MYO16: variants seen among roughly 807,000 people sequenced by gnomAD.
MYO16 encodes the protein myosin XVI.
MYO16 carries 94 observed loss-of-function variants against 205.3 expected under a neutral mutation model. The ratio of observed to expected loss-of-function variants is 0.46; its 90% CI spans 0.39 to 0.54. The LOEUF (loss-of-function observed/expected upper bound fraction) is 0.54. Ranked by LOEUF, MYO16 falls within the 20% of genes least tolerant of loss-of-function variation. The pLI, the probability that MYO16 is intolerant of heterozygous loss-of-function variation, is 0.00. For synonymous variants in MYO16, 988 were observed against 954.0 expected (o/e 1.04, Z -0.66); for missense variants, 2,315 against 2,387.5 (o/e 0.97, Z 0.63).
intron 2 of MYO16, among the ~76,000 whole-genome samples, chr13:108,684,398 G>A (rs886343661): frequency 6.6e-6 from 1 of 152,306 alleles, no homozygotes; most frequent in East Asian, 1.9e-4. Flanking sequence ...GGCAACACCA[G>A]CAAGAGGAAA....
intron 24 of MYO16, among the ~76,000 whole-genome samples, chr13:109,049,358 C>T (rs1195026771): frequency 6.6e-6 from 1 of 152,130 alleles, no homozygotes; most frequent in Non-Finnish European, 1.5e-5. Flanking sequence ...CCTGGAGGAA[C>T]TTGCTGTCTC....
intron 3 of MYO16, among the ~76,000 whole-genome samples, chr13:108,714,588 G>A (rs1348565690): frequency 9.6e-6 from 1 of 104,514 alleles, no homozygotes; most frequent in Non-Finnish European, 2.1e-5. Flanking sequence ...TCACGTGTGT[G>A]TGTCTGTGTG....
chr13:109,014,184 T>C (rs1885721522), intron 22 of MYO16, among the ~76,000 whole-genome samples: 1 of 152,228 alleles, frequency 6.6e-6, no homozygotes, highest in Non-Finnish European at 1.5e-5. Context: ...TTTCTACATA[T>C]GGCTAGCCAG....
chr13:108,798,213 G>T (rs1194048003), intron 6 of MYO16, among the ~76,000 whole-genome samples: 2 of 128,612 alleles, frequency 1.6e-5, no homozygotes, highest in African/African-American at 6.0e-5. Flanking sequence ...TTTATCTATT[G>T]TGGAGATAAG....
upstream of MYO16, among the ~76,000 whole-genome samples, chr13:108,627,968 C>T (rs1045635764): frequency 6.6e-6 from 1 of 152,132 alleles, no homozygotes; most frequent in East Asian, 1.9e-4. Context: ...CAACCTTACC[C>T]GAAGATACAT....
intron 14 of MYO16, among the ~76,000 whole-genome samples, chr13:108,891,225 G>A (rs1880158341): frequency 6.6e-6 from 1 of 152,182 alleles, no homozygotes; most frequent in African/African-American, 2.4e-5. Flanking sequence ...TTTGGCCTGT[G>A]TGTGTTTCCT....
In MYO16 at chr13:109,055,600, A is replaced by C; in HGVS notation, c.3335+5A>C. The C allele has an allele frequency of 1.2e-6, 2 of 1,605,560 alleles. No individual in the cohort carries two copies. Among genetic ancestry groups the C allele is most frequent in the Non-Finnish European group, 1.7e-6 (2 of 1,177,486 alleles). On this transcript the variant is annotated splice_donor_5th_base_variant and intron_variant, in intron 27 of 34. Transcript: ENST00000457511. This position sits in a 1 kb window ranked among gnomAD's most constrained non-coding sequence, Gnocchi z 5.0. ...CTTCTCGGATTTCCTGTCAAGGTAA[A>C]TTCTTCTGCTCTTAAAATCGTCGTT...
intron 1 of MYO16, among the ~76,000 whole-genome samples, chr13:108,647,167 T>A (rs1253277573): frequency 2.6e-5 from 4 of 152,166 alleles, no homozygotes; most frequent in African/African-American, 9.6e-5. Context: ...TTCTCCCTTG[T>A]CACCCAGTAG....
intron 2 of MYO16, among the ~76,000 whole-genome samples, chr13:108,671,104 A>G (rs1881969226): frequency 6.6e-6 from 1 of 152,320 alleles, no homozygotes; most frequent in South Asian, 2.1e-4. Context: ...ATTAACTTTT[A>G]GTTGTGTTTT....
intron 16 of MYO16, among the ~76,000 whole-genome samples, chr13:108,939,751 C>G (rs1454692802): frequency 6.6e-6 from 1 of 152,156 alleles, no homozygotes; most frequent in Non-Finnish European, 1.5e-5. Context: ...CAGATTAACA[C>G]ATTTATCAGA....
the MYO16 span, among the ~76,000 whole-genome samples, chr13:108,531,257 G>A: frequency 9.2e-5 from 14 of 152,306 alleles, no homozygotes; most frequent in African/African-American, 3.4e-4. Flanking sequence ...AGAGAAATGT[G>A]TAGCCCTTGA....
At chr13:108,913,078 G>T (rs1301119705) in intron 16 of MYO16, among the ~76,000 whole-genome samples, 1 of 152,156 alleles carries the variant, frequency 6.6e-6, no homozygotes, top group East Asian at 1.9e-4. Context: ...TATTTAGAAA[G>T]TCAAACAGTC....
the MYO16 span, among the ~76,000 whole-genome samples, chr13:108,554,253 A>C: frequency 6.6e-6 from 1 of 152,112 alleles, no homozygotes; most frequent in Non-Finnish European, 1.5e-5. Context: ...AAAAGAAAAA[A>C]AAAAAGGCTT....
intron 23 of MYO16, among the ~76,000 whole-genome samples, chr13:109,042,754 A>G (rs1213193058): frequency 6.6e-6 from 1 of 152,226 alleles, no homozygotes; most frequent in Admixed American, 6.5e-5. Context: ...TTAACACATT[A>G]AGAAAGACTC....
chr13:108,812,726 G>A (rs748195775), intron 7 of MYO16, among the ~76,000 whole-genome samples: 4 of 152,094 alleles, frequency 2.6e-5, no homozygotes, highest in Non-Finnish European at 5.9e-5. Context: ...AAATTAGGAC[G>A]TGAGGCCTAA....
At chr13:108,503,085 A>G in the MYO16 span, among the ~76,000 whole-genome samples, 1 of 152,232 alleles carries the variant, frequency 6.6e-6, no homozygotes, top group East Asian at 1.9e-4. Context: ...CTAAAGCTAT[A>G]GATATATAAG....
chr13:108,753,897 G>C (rs780876576), intron 4 of MYO16, among the ~76,000 whole-genome samples: 47 of 152,302 alleles, frequency 3.1e-4, no homozygotes, highest in Non-Finnish European at 5.6e-4. Flanking sequence ...TTGAGGATTT[G>C]GCTGATCTCA....
chr13:109,011,492 TC>T (rs1264340876), intron 22 of MYO16, among the ~76,000 whole-genome samples: 3 of 43,128 alleles, frequency 7.0e-5, no homozygotes, highest in Non-Finnish European at 1.4e-4. Context: ...TTTTTTTTCT[TC>T]CTTTCTTTTT....
chr13:108,609,093 G>C (rs1007337146), intron 1 of MYO16, among the ~76,000 whole-genome samples: 8 of 152,138 alleles, frequency 5.3e-5, no homozygotes, highest in Non-Finnish European at 7.3e-5. Context: ...CCATAGGCAG[G>C]TTCAGCTCCT....
Sources: gnomAD v4.1 joint callset for allele counts (sites outside exome capture counted in the v4.1 genomes callset) on GRCh38, gnomAD v4.1.1 for gene constraint, Gnocchi (gnomAD v3.1) non-coding constraint, MANE v1.5 for transcripts, NCBI Gene and HGNC (gene_info 2026-07-23, HGNC 2026-07-21) for gene names.